B3GALNT2: variants seen among roughly 807,000 people sequenced by gnomAD.
The protein encoded by B3GALNT2 is UDP-GalNAc:beta-1,3-N-acetylgalactosaminyltransferase 2.
B3GALNT2 carries 53 observed loss-of-function variants against 61.1 expected under a neutral mutation model. The observed-to-expected ratio is 0.87, with a 90% CI of 0.70 to 1.09. B3GALNT2 has a LOEUF of 1.09. Ranked by LOEUF, B3GALNT2 falls within the 50% of genes least tolerant of loss-of-function variation. The probability of loss-of-function intolerance (pLI) is 0.00; values close to 1 mark genes in which losing one functional copy is unlikely to be tolerated. For synonymous variants in B3GALNT2, 223 were observed against 237.4 expected (o/e 0.94, Z 0.56); for missense variants, 544 against 623.0 (o/e 0.87, Z 1.35).
downstream of B3GALNT2, among the ~76,000 whole-genome samples, chr1:235,443,456 G>C (rs1348751623): frequency 2.0e-5 from 3 of 152,232 alleles, no homozygotes; most frequent in East Asian, 5.8e-4. Flanking sequence ...TCCTGCCTCA[G>C]CCTCCCAGTG....
chr1:235,477,983 T>A (rs1230359806), intron 5 of B3GALNT2, among the ~76,000 whole-genome samples: 3 of 152,166 alleles, frequency 2.0e-5, no homozygotes. Context: ...ACAGTGAGAT[T>A]AAGCACCTCA....
At chr1:235,488,628 GA>G in intron 3 of B3GALNT2, among the ~76,000 whole-genome samples, 1 of 33,308 alleles carries the variant, frequency 3.0e-5, no homozygotes, top group Non-Finnish European at 6.7e-5. Flanking sequence ...AGGTTGCAGT[GA>G]GCCAGTGAGC....
At chr1:235,453,027 C>G (rs1682999133) in intron 11 of B3GALNT2, 63 bp downstream of exon 11, 2 of 1,408,152 alleles carry the variant, frequency 1.4e-6, no homozygotes, top group Non-Finnish European at 2.0e-6. Flanking sequence ...GAACACTCAA[C>G]CTGTATATAG....
At chr1:235,498,394 T>C (rs1183427613) in intron 1 of B3GALNT2, among the ~76,000 whole-genome samples, 1 of 152,196 alleles carries the variant, frequency 6.6e-6, no homozygotes, top group Non-Finnish European at 1.5e-5. Context: ...AGCAAGCCTA[T>C]GAAAACATGT....
At position 235,504,384 on chromosome 1, in the gene B3GALNT2, G is replaced by A. The variant is rs1191888566; in HGVS notation, c.-132C>T. The A allele has an allele frequency of 1.9e-6, 2 of 1,034,152 alleles. No individual in the cohort carries two copies. Among genetic ancestry groups the A allele is most frequent in the South Asian group, 1.9e-5 (1 of 52,486 alleles). 64.1% of individuals were successfully genotyped at this position (1,034,152 alleles called of 1,614,324 possible). ...CACGCCCGCCCTCGCGCTCGGCGACGTCTGGGGGGCTCCTCGCAGCTCCCG... is the reference window on the plus strand; with the variant it reads ...CACGCCCGCCCTCGCGCTCGGCGACATCTGGGGGGCTCCTCGCAGCTCCCG... On this transcript the variant is annotated 5_prime_UTR_variant, in exon 1 of 12. It adds an upstream start codon to the 5' untranslated region. Coordinates refer to ENST00000366600, the MANE Select transcript of B3GALNT2 (RefSeq NM_152490.5).
chr1:235,451,565 G>A (rs1682903063), intron 11 of B3GALNT2: 2 of 149,282 alleles, frequency 1.3e-5, no homozygotes, highest in Non-Finnish European at 3.0e-5. Flanking sequence ...ACCCAGCAAA[G>A]ACTACAGATC....
intron 4 of B3GALNT2, among the ~76,000 whole-genome samples, chr1:235,481,143 T>C (rs1346130817): frequency 1.3e-5 from 2 of 152,084 alleles, no homozygotes; most frequent in African/African-American, 4.8e-5. Flanking sequence ...TGAACACCAG[T>C]TCTTAGCAAT....
chr1:235,490,125 G>A (rs1257296495), intron 2 of B3GALNT2, among the ~76,000 whole-genome samples: 1 of 152,072 alleles, frequency 6.6e-6, no homozygotes, highest in Non-Finnish European at 1.5e-5. Flanking sequence ...CTGCCTTTGG[G>A]TCTTTTCTCA....
chr1:235,466,205 A>C (rs529586667), intron 6 of B3GALNT2, among the ~76,000 whole-genome samples: 3 of 150,342 alleles, frequency 2.0e-5, no homozygotes, highest in Non-Finnish European at 2.9e-5. Context: ...ATTAAAAAAA[A>C]ATTTTTTTTT....
chr1:235,452,944 A>G (rs1282360310), intron 11 of B3GALNT2, 146 bp downstream of exon 11: 9 of 684,512 alleles, frequency 1.3e-5, no homozygotes, highest in Non-Finnish European at 7.6e-6. Context: ...ACTTCTAAGT[A>G]TAATGCAATT....
the B3GALNT2 span, among the ~76,000 whole-genome samples, chr1:235,440,494 G>A: frequency 6.6e-6 from 1 of 152,098 alleles, no homozygotes; most frequent in Non-Finnish European, 1.5e-5. Context: ...CTGGGTTCAA[G>A]TGATTCTCCT....
chr1:235,477,119 A>G (rs1048169402), intron 5 of B3GALNT2, among the ~76,000 whole-genome samples: 1 of 152,154 alleles, frequency 6.6e-6, no homozygotes, highest in African/African-American at 2.4e-5. Context: ...ACTTCCCATC[A>G]TTAGTACCCA....
chr1:235,467,276 GAGA>G (rs946581730), intron 6 of B3GALNT2, among the ~76,000 whole-genome samples: 5 of 152,066 alleles, frequency 3.3e-5, no homozygotes, highest in Admixed American at 2.0e-4. Flanking sequence ...TTGAACCTGG[GAGA>G]AGGAGATTGC....
the B3GALNT2 span, among the ~76,000 whole-genome samples, chr1:235,439,939 C>T: frequency 6.6e-6 from 1 of 151,854 alleles, no homozygotes. Flanking sequence ...GTAGCTGGGA[C>T]TACAGGCGCA....
chr1:235,504,422 C>G lies in B3GALNT2; in HGVS notation c.-170G>C, dbSNP rs150368565. ...CTCGCAGCTCCCGGCCCCGCTCCTCCGGTCCCTCAGACCGCGGGTGGCCGC... is the reference window on the plus strand; with the variant it reads ...CTCGCAGCTCCCGGCCCCGCTCCTCGGGTCCCTCAGACCGCGGGTGGCCGC... On this transcript the variant is annotated 5_prime_UTR_variant, in exon 1 of 12. Transcript: ENST00000366600. 3.0e-3 allele frequency: 2,028 copies of G among 686,882 alleles called. 39 individuals are homozygous for G. In the African/African-American group the frequency reaches 0.035, roughly 12 times the overall value. The allele number at this position is 686,882 out of a possible 1,614,324, so 42.5% of individuals were successfully genotyped here. A position where few individuals can be genotyped will look rare whatever the true frequency, so the allele number is the denominator to read the frequency against.
At chr1:235,445,021 T>G (rs1439249143), downstream of B3GALNT2, among the ~76,000 whole-genome samples, 1 of 152,250 alleles carries the variant, frequency 6.6e-6, no homozygotes, top group African/African-American at 2.4e-5. Flanking sequence ...GAGATTCAGT[T>G]AGCCATTTTG....
chr1:235,441,567 ACTGGTCATTAACAATGAGCTAGATAAG>A, the B3GALNT2 span: 1 of 530,212 alleles, frequency 1.9e-6, no homozygotes, highest in Admixed American at 3.3e-5. Flanking sequence ...GTTGAGTTTC[ACTGGTCATTAACAATGAGCTAGATAAG>A]CTACAGAGTC....
chr1:235,502,132 C>T (rs1031533559), intron 1 of B3GALNT2, among the ~76,000 whole-genome samples: 2 of 152,180 alleles, frequency 1.3e-5, no homozygotes, highest in Admixed American at 1.3e-4. Context: ...CCTGCCTCAG[C>T]CTCCTTAGTA....
rs777706647 is a variant in B3GALNT2, at chr1:235,447,396, C to A, written c.*2810G>T. 2.6e-5 allele frequency among the ~76,000 whole-genome samples: 4 copies of A among 152,182 alleles called. No individual in the cohort carries two copies. On this transcript the variant is annotated 3_prime_UTR_variant, in exon 12 of 12. Transcript: ENST00000366600. ...ACTCTATTTCTTATAATCAAAATAT[C>A]CACTATTTACCACAACCCGTCTTTG...
Sources: gnomAD v4.1 joint callset for allele counts (sites outside exome capture counted in the v4.1 genomes callset) on GRCh38, gnomAD v4.1.1 for gene constraint, MANE v1.5 for transcripts, NCBI Gene and HGNC (gene_info 2026-07-23, HGNC 2026-07-21) for gene names.